The following RERE variants were observed in gnomAD, a reference collection of about 807,000 sequenced individuals.
The protein encoded by RERE is arginine-glutamic acid dipeptide repeats, also known as arginine-glutamic acid dipeptide repeats protein.
In RERE, 40 loss-of-function variants were observed where a neutral mutation model predicts 146.1. The ratio of observed to expected loss-of-function variants is 0.27; its 90% CI spans 0.21 to 0.36. RERE has a LOEUF of 0.36. RERE is among the 10% of genes least tolerant of loss of function. RERE has a pLI of 1.00. For synonymous variants in RERE, 1,003 were observed against 866.0 expected (o/e 1.16, Z -2.78); for missense variants, 1,933 against 2,138.7 (o/e 0.90, Z 1.90).
intron 1 of RERE, among the ~76,000 whole-genome samples, chr1:8,697,163 AAGGAAGCTGCCTAGGT>A (rs996894608): frequency 6.6e-6 from 1 of 152,224 alleles, no homozygotes; most frequent in African/African-American, 2.4e-5. Flanking sequence ...AGCACAGGCT[AAGGAAGCTGCCTAGGT>A]AAATAGCCAA....
Position 8,353,951 on chromosome 1 carries a change from C to T in RERE, c.*1136G>A, listed in dbSNP as rs1420071582. 2.0e-5 allele frequency: 3 copies of T among 152,642 alleles called. No homozygotes were observed. The highest frequency in any genetic ancestry group is 7.2e-5 in the African/African-American group (3 of 41,458). The allele number at this position is 152,642 out of a possible 1,614,324, so 9.5% of individuals were successfully genotyped here. A position where few individuals can be genotyped will look rare whatever the true frequency, so the allele number is the denominator to read the frequency against. On this transcript the variant is annotated 3_prime_UTR_variant, in exon 23 of 23. Transcript: ENST00000400908. ...ACAATGCGCATGAGAAGGCAGCCTT[C>T]TAACACATCCCTTTGGCAGGCATAT...
At chr1:8,774,951 C>CTTTTTTTTTTTTTTTTTTTTT (rs869173167) in intron 1 of RERE, among the ~76,000 whole-genome samples, 1 of 47,944 alleles carries the variant, frequency 2.1e-5, no homozygotes, top group African/African-American at 7.2e-5. Context: ...TTCTTTCTTT[C>CTTTTTTTTTTTTTTTTTTTTT]TTTTTTTTTT....
chr1:8,613,376 C>G (rs1646814326), intron 4 of RERE, among the ~76,000 whole-genome samples: 1 of 152,212 alleles, frequency 6.6e-6, no homozygotes. Context: ...CTTCTCACAA[C>G]TCCCAGACTC....
chr1:8,365,830 G>A lies in RERE; in HGVS notation c.1429C>T (p.Pro477Ser). ...ASTPVNTPSRPPSSEFLDLSS... is the reference protein window; with the variant it reads ...ASTPVNTPSRSPSSEFLDLSS... The stretch of plus-strand genomic sequence containing the variant: ...TACTCACAGAATTCACTGGACGGGG[G>A]TCTGGAGGGTGTGTTGACGGGTGTG... Residue 477 changes from proline (P) to serine (S), a missense_variant, in exon 13 of 23, where the codon CCC (proline) becomes TCC (serine). This residue lies in a region of RERE where 260 missense variants were observed against 378.4 expected (regional missense o/e 0.69). Transcript: ENST00000400908. 6.2e-7 allele frequency: 1 copy of A among 1,614,208 alleles called. No homozygotes were observed. The highest frequency in any genetic ancestry group is 8.5e-7 in the Non-Finnish European group (1 of 1,180,034).
intron 1 of RERE, among the ~76,000 whole-genome samples, chr1:8,729,130 T>C (rs377604981): frequency 5.4e-5 from 8 of 147,234 alleles, no homozygotes; most frequent in Middle Eastern, 3.5e-3. Flanking sequence ...TGCCACACCA[T>C]TGCACTCCAG....
intron 6 of RERE, among the ~76,000 whole-genome samples, chr1:8,545,557 A>G (rs1261922353): frequency 6.6e-6 from 1 of 152,216 alleles, no homozygotes; most frequent in Non-Finnish European, 1.5e-5. Flanking sequence ...ACTCAGGACA[A>G]CGTGCACGAG....
chr1:8,355,277 G>C, intron 22 of RERE, 142 bp downstream of exon 22: 1 of 1,151,386 alleles, frequency 8.7e-7, no homozygotes, highest in Non-Finnish European at 1.3e-6. Context: ...CCCTTCCTCT[G>C]TTTCTCCCAT....
chr1:8,445,928 G>T (rs1283673063), intron 11 of RERE, among the ~76,000 whole-genome samples: 2 of 151,422 alleles, frequency 1.3e-5, no homozygotes, highest in African/African-American at 4.9e-5. Context: ...GTGGTGTTTG[G>T]TTTTCTGTCC....
chr1:8,415,338 C>T (rs1242795220), intron 12 of RERE, among the ~76,000 whole-genome samples: 1 of 152,190 alleles, frequency 6.6e-6, no homozygotes, highest in Non-Finnish European at 1.5e-5. Flanking sequence ...ATCTAAAAGT[C>T]ATCCAGGTAA....
At chr1:8,756,729 T>C (rs1640646024) in intron 1 of RERE, among the ~76,000 whole-genome samples, 2 of 152,222 alleles carry the variant, frequency 1.3e-5, no homozygotes, top group South Asian at 4.1e-4. Context: ...CATGCAATTA[T>C]ATTAATTTGG....
intron 1 of RERE, among the ~76,000 whole-genome samples, chr1:8,691,699 G>T (rs1345937646): frequency 1.3e-5 from 2 of 152,182 alleles, no homozygotes; most frequent in Non-Finnish European, 2.9e-5. Context: ...TTAAGGACCT[G>T]TAACAAGAAT....
In RERE at chr1:8,656,054, T is replaced by C; in HGVS notation, c.244A>G (p.Lys82Glu). ...TCTGTCCTTTCATAACGAGACTTTT[T>C]TTTCGGTGGTTTCTTCTTATTCTTC... ...TKKNKKKPPK[K>E]KSRYERTDTG... is the part of the protein sequence containing the mutation. Residue 82 changes from lysine to glutamate, a missense_variant, in exon 2 of 23, where the codon AAA becomes GAA. By Grantham distance (56) the Lys-to-Glu change is moderately conservative. Around this residue, in one of 11 missense-constraint regions of RERE, gnomAD observed 107 missense variants for 119.7 expected, o/e 0.89. Transcript: ENST00000400908. 1 of 1,614,190 alleles carries C rather than the reference T, an allele frequency of 6.2e-7. No homozygotes were observed. Among genetic ancestry groups the C allele is most frequent in the Non-Finnish European group, 8.5e-7 (1 of 1,180,030 alleles).
chr1:8,520,094 CAA>C (rs1425932482), intron 7 of RERE, among the ~76,000 whole-genome samples: 1 of 152,112 alleles, frequency 6.6e-6, no homozygotes, highest in Non-Finnish European at 1.5e-5. Context: ...AATGAAAAAA[CAA>C]AGAGATTTAG....
At chr1:8,501,251 T>C (rs1172996265) in intron 8 of RERE, among the ~76,000 whole-genome samples, 2 of 102,052 alleles carry the variant, frequency 2.0e-5, no homozygotes, top group Admixed American at 2.1e-4. Flanking sequence ...GTCCGGGAGG[T>C]GAGGGGCGCC....
intron 1 of RERE, among the ~76,000 whole-genome samples, chr1:8,789,301 A>AAAAAAAAAAAAAAAAATATAT: frequency 2.4e-4 from 6 of 24,808 alleles, no homozygotes; most frequent in African/African-American, 1.4e-3. Context: ...AAAAAAAAAA[A>AAAAAAAAAAAAAAAAATATAT]ATATATATAT....
At chr1:8,616,255 A>G (rs2124199705) in intron 3 of RERE, among the ~76,000 whole-genome samples, 1 of 152,366 alleles carries the variant, frequency 6.6e-6, no homozygotes, top group East Asian at 1.9e-4. Context: ...ACATGCAAAT[A>G]GTTCAAGTAA....
intron 3 of RERE, among the ~76,000 whole-genome samples, chr1:8,618,927 T>C (rs557361341): frequency 4.5e-4 from 68 of 152,324 alleles, no homozygotes; most frequent in African/African-American, 1.6e-3. Context: ...CCTTCTGCTG[T>C]TGTACTGTCA....
chr1:8,509,877 T>A (rs573658670), intron 7 of RERE, among the ~76,000 whole-genome samples: 1 of 152,364 alleles, frequency 6.6e-6, no homozygotes, highest in East Asian at 1.9e-4. Flanking sequence ...ATGGATCTGA[T>A]ACCCATACCC....
chr1:8,361,594 G>T, intron 17 of RERE, 104 bp from the exon 18 acceptor site: 1 of 1,485,682 alleles, frequency 6.7e-7, no homozygotes, highest in Non-Finnish European at 9.3e-7. Context: ...AGATGAAGCA[G>T]CAAGCTTGGC....
Sources: gnomAD v4.1 joint callset for allele counts (sites outside exome capture counted in the v4.1 genomes callset) on GRCh38, gnomAD v4.1.1 for gene constraint, gnomAD v4.1.1 regional missense constraint, MANE v1.5 for transcripts, NCBI Gene and HGNC (gene_info 2026-07-23, HGNC 2026-07-21) for gene names.